ZNF536: variants seen among roughly 807,000 people sequenced by gnomAD.
The protein encoded by ZNF536 is zinc finger protein 536.
A neutral mutation model predicts 84.5 loss-of-function variants in ZNF536; 13 were observed. The observed-to-expected ratio is 0.15, with a 90% CI of 0.10 to 0.24. The LOEUF (loss-of-function observed/expected upper bound fraction) is 0.24. Ranked by LOEUF, ZNF536 falls within the 10% of genes least tolerant of loss-of-function variation. The probability of loss-of-function intolerance (pLI) is 1.00; values close to 1 mark genes in which losing one functional copy is unlikely to be tolerated. For missense variants in ZNF536, 1,536 were observed against 1,747.5 expected (o/e 0.88, Z 2.16); for synonymous variants, 811 against 742.5 (o/e 1.09, Z -1.50).
chr19:30,505,890 C>A (rs1568494912), intron 2 of ZNF536, among the ~76,000 whole-genome samples: 1 of 151,916 alleles, frequency 6.6e-6, no homozygotes, highest in East Asian at 1.9e-4. Flanking sequence ...GGTCTCAAAC[C>A]CTTGACCTGA....
intron 2 of ZNF536, among the ~76,000 whole-genome samples, chr19:30,333,378 T>C (rs969788646): frequency 2.0e-5 from 3 of 152,236 alleles, no homozygotes; most frequent in Middle Eastern, 3.4e-3. Flanking sequence ...TCTTGAGAAG[T>C]GTCGCCCATG....
intron 1 of ZNF536, among the ~76,000 whole-genome samples, chr19:30,233,370 A>G (rs1599822498): frequency 2.0e-5 from 3 of 148,384 alleles, no homozygotes; most frequent in African/African-American, 2.5e-5. Flanking sequence ...TAAGAGATGG[A>G]GCCTTGCTCT....
At chr19:30,391,275 G>A (rs2049576788) in intron 1 of ZNF536, among the ~76,000 whole-genome samples, 1 of 152,196 alleles carries the variant, frequency 6.6e-6, no homozygotes, top group Non-Finnish European at 1.5e-5. Flanking sequence ...CAGTAGACTT[G>A]ACTTTAAACT....
chr19:30,369,790 A>C (rs1350037746), upstream of ZNF536, among the ~76,000 whole-genome samples: 1 of 152,198 alleles, frequency 6.6e-6, no homozygotes, highest in Non-Finnish European at 1.5e-5. Context: ...GGCTGCAATC[A>C]GAATAAAGTG....
At chr19:30,435,666 T>C (rs1382301061) in intron 1 of ZNF536, among the ~76,000 whole-genome samples, 4 of 152,108 alleles carry the variant, frequency 2.6e-5, no homozygotes, top group Non-Finnish European at 5.9e-5. Context: ...GTCCATAGTC[T>C]TAACAACTAC....
chr19:30,459,975 G>A (rs2053057696), intron 2 of ZNF536, among the ~76,000 whole-genome samples: 1 of 152,176 alleles, frequency 6.6e-6, no homozygotes, highest in Non-Finnish European at 1.5e-5. Flanking sequence ...GAACTGGAAG[G>A]TCTGGACTCT....
intron 1 of ZNF536, among the ~76,000 whole-genome samples, chr19:30,675,472 C>A (rs1187093836): frequency 6.6e-6 from 1 of 152,150 alleles, no homozygotes; most frequent in Non-Finnish European, 1.5e-5. Context: ...CTCAGGGCAA[C>A]TTTTCAGGAA....
chr19:30,394,077 A>T (rs918060564), intron 1 of ZNF536, among the ~76,000 whole-genome samples: 2 of 152,160 alleles, frequency 1.3e-5, no homozygotes, highest in Non-Finnish European at 2.9e-5. Context: ...AGATGGAAAA[A>T]GGGCAGCTCT....
At chr19:30,414,943 G>A (rs1297485558) in intron 1 of ZNF536, among the ~76,000 whole-genome samples, 2 of 152,166 alleles carry the variant, frequency 1.3e-5, no homozygotes, top group Non-Finnish European at 2.9e-5. Context: ...GAAATATCCA[G>A]TGTTGTCATT....
At chr19:30,379,131 C>T (rs770592806) in intron 1 of ZNF536, among the ~76,000 whole-genome samples, 4 of 152,274 alleles carry the variant, frequency 2.6e-5, no homozygotes, top group South Asian at 2.1e-4. Flanking sequence ...ATTTTTATGT[C>T]CCAAATGTGA....
chr19:30,648,339 C>T (rs1370280124), intron 1 of ZNF536, among the ~76,000 whole-genome samples: 1 of 152,166 alleles, frequency 6.6e-6, no homozygotes, highest in Non-Finnish European at 1.5e-5. Flanking sequence ...CCCAGATCTG[C>T]GTGCTGAGAC....
intron 2 of ZNF536, among the ~76,000 whole-genome samples, chr19:30,312,814 A>G (rs1256223566): frequency 2.0e-5 from 3 of 152,230 alleles, no homozygotes; most frequent in Non-Finnish European, 2.9e-5. Context: ...TGCATTGCAC[A>G]GAGAGCCAGG....
intron 1 of ZNF536, among the ~76,000 whole-genome samples, chr19:30,268,168 T>A (rs1201209928): frequency 6.7e-6 from 1 of 150,126 alleles, no homozygotes; most frequent in Admixed American, 6.7e-5. Context: ...AATGATCTAC[T>A]AGTGTTTAGA....
At chr19:30,343,692 G>A (rs1323803950) in intron 2 of ZNF536, among the ~76,000 whole-genome samples, 3 of 152,152 alleles carry the variant, frequency 2.0e-5, no homozygotes, top group Admixed American at 6.5e-5. Context: ...TTTTGAGGGC[G>A]TTCCTTTCTT....
intron 1 of ZNF536, among the ~76,000 whole-genome samples, chr19:30,421,375 C>T (rs770651399): frequency 3.3e-5 from 5 of 151,892 alleles, no homozygotes; most frequent in Admixed American, 6.6e-5. Flanking sequence ...GTGCCCAGGG[C>T]GACTTCATTT....
intron 2 of ZNF536, among the ~76,000 whole-genome samples, chr19:30,287,654 GTGGATGGATGGGTGGGTGGA>G (rs1355452498): frequency 0.067 from 6,924 of 104,080 alleles, 120 homozygotes; most frequent in East Asian, 0.19. Flanking sequence ...GGATGGGTGG[GTGGATGGATGGGTGGGTGGA>G]TGGATGGATG....
At chr19:30,625,915 G>T (rs984425820) in intron 1 of ZNF536, among the ~76,000 whole-genome samples, 1 of 152,150 alleles carries the variant, frequency 6.6e-6, no homozygotes, top group Non-Finnish European at 1.5e-5. Flanking sequence ...AAAAAAAATG[G>T]TAGCTGCCCT....
chr19:30,510,855 C>T (rs1321217375), intron 2 of ZNF536, among the ~76,000 whole-genome samples: 1 of 152,198 alleles, frequency 6.6e-6, no homozygotes, highest in Non-Finnish European at 1.5e-5. Context: ...ATCTTCTTGT[C>T]CCCGACCTGA....
intron 4 of ZNF536, among the ~76,000 whole-genome samples, chr19:30,553,702 C>T (rs989131891): frequency 6.6e-6 from 1 of 152,222 alleles, no homozygotes; most frequent in Non-Finnish European, 1.5e-5. Context: ...CTGCGGCTCA[C>T]ACCTGTAATC....
Sources: gnomAD v4.1 joint callset for allele counts (sites outside exome capture counted in the v4.1 genomes callset) on GRCh38, gnomAD v4.1.1 for gene constraint, MANE v1.5 for transcripts, NCBI Gene and HGNC (gene_info 2026-07-23, HGNC 2026-07-21) for gene names.